The following CKAP5 variants were observed in gnomAD, a reference collection of about 807,000 sequenced individuals.
The protein encoded by CKAP5 is cytoskeleton associated protein 5.
Under a neutral mutation model 232.8 loss-of-function variants are expected in CKAP5, and 27 were observed. That is an observed-to-expected ratio of 0.12 (90% CI 0.09 to 0.16). The LOEUF (loss-of-function observed/expected upper bound fraction) is 0.16, where lower values mean the gene tolerates loss of function less well. Among genes scored for constraint, CKAP5 ranks in the 10% least tolerant of loss-of-function variants. CKAP5 has a pLI of 1.00. For missense variants in CKAP5, 1,838 were observed against 2,424.7 expected (o/e 0.76, Z 5.08); for synonymous variants, 785 against 841.1 (o/e 0.93, Z 1.16).
chr11:46,801,862 G>A (rs927277145), intron 8 of CKAP5, among the ~76,000 whole-genome samples: 3 of 152,138 alleles, frequency 2.0e-5, no homozygotes, highest in Non-Finnish European at 2.9e-5. Flanking sequence ...CTATCCAGTA[G>A]TGGCAGTCTG....
chr11:46,819,422 T>C (rs1353711815), intron 2 of CKAP5, among the ~76,000 whole-genome samples: 1 of 152,144 alleles, frequency 6.6e-6, no homozygotes, highest in African/African-American at 2.4e-5. Flanking sequence ...AAAGAAAAGA[T>C]TCCACTCATT....
intron 42 of CKAP5, among the ~76,000 whole-genome samples, chr11:46,748,744 G>C (rs375027537): frequency 1.3e-5 from 2 of 151,980 alleles, no homozygotes; most frequent in South Asian, 4.2e-4. Flanking sequence ...ACTCCAGCCC[G>C]AGCAACAGAG....
intron 36 of CKAP5, among the ~76,000 whole-genome samples, chr11:46,754,173 A>G (rs756631913): frequency 6.8e-6 from 1 of 148,034 alleles, no homozygotes; most frequent in Non-Finnish European, 1.5e-5. Context: ...AATTTTTTGT[A>G]TTTTTAGTAG....
At position 46,809,508 on chromosome 11, in the gene CKAP5, G is replaced by C; in HGVS notation, c.764-8C>G. ...CATCACCATCATCACCACCTTTAAG[G>C]AGAAAAACAACACAAACCTTAAAAA... On this transcript the variant is annotated splice_polypyrimidine_tract_variant and splice_region_variant and intron_variant, in intron 6 of 43. Transcript: ENST00000529230. 2 of 1,591,198 alleles carry C rather than the reference G, an allele frequency of 1.3e-6. No homozygotes were observed. The highest frequency in any genetic ancestry group is 1.7e-6 in the Non-Finnish European group (2 of 1,162,894).
intron 42 of CKAP5, among the ~76,000 whole-genome samples, chr11:46,747,618 AG>A (rs1337988366): frequency 6.6e-6 from 1 of 151,164 alleles, no homozygotes; most frequent in African/African-American, 2.4e-5. Context: ...AAAAAAAAAA[AG>A]GTTTCACTAA....
intron 23 of CKAP5, among the ~76,000 whole-genome samples, chr11:46,777,098 A>G (rs930213638): frequency 6.6e-6 from 1 of 152,234 alleles, no homozygotes; most frequent in Non-Finnish European, 1.5e-5. Flanking sequence ...CGTTATAATC[A>G]TAATAGCAAC....
At chr11:46,798,527 C>T (rs1938947468) in intron 9 of CKAP5, among the ~76,000 whole-genome samples, 1 of 150,920 alleles carries the variant, frequency 6.6e-6, no homozygotes, top group East Asian at 1.9e-4. Flanking sequence ...CTGCAGTGAG[C>T]TACGACTGCA....
At chr11:46,767,249 A>C (rs1194531299) in intron 27 of CKAP5, among the ~76,000 whole-genome samples, 2 of 152,038 alleles carry the variant, frequency 1.3e-5, no homozygotes, top group Admixed American at 1.3e-4. Flanking sequence ...CGAACTCCTG[A>C]CCTCAGGTGA....
chr11:46,788,603 T>C (rs1298818985), intron 16 of CKAP5, 78 bp downstream of exon 16: 12 of 856,462 alleles, frequency 1.4e-5, no homozygotes, highest in Non-Finnish European at 2.2e-5. Flanking sequence ...ACGAAAACTA[T>C]TCTGCTGTAT....
chr11:46,845,078 A>T (rs1384667792), intron 1 of CKAP5, among the ~76,000 whole-genome samples: 20 of 152,364 alleles, frequency 1.3e-4, no homozygotes, highest in Admixed American at 1.3e-3. Flanking sequence ...CAGTTTGTCC[A>T]GTCACTTCAG....
At chr11:46,804,462 G>A (rs1034759026) in intron 8 of CKAP5, among the ~76,000 whole-genome samples, 1 of 152,162 alleles carries the variant, frequency 6.6e-6, no homozygotes, top group Non-Finnish European at 1.5e-5. Flanking sequence ...CTAGACCAGG[G>A]AATGGAAGCT....
At position 46,754,963 on chromosome 11, in the gene CKAP5, T is replaced by C. The variant is rs978534343; in HGVS notation, c.4794A>G (p.Thr1598=). 6.2e-7 allele frequency: 1 copy of C among 1,613,694 alleles called. No homozygotes were observed. Among genetic ancestry groups the C allele is most frequent in the African/African-American group, 1.3e-5 (1 of 74,898 alleles). The change falls in exon 36 of 44, where the codon ACA becomes ACG. Residue 1598 remains threonine (T), a synonymous_variant. Transcript: ENST00000529230. ...TFMQLRLIYN[T]HMADEKLEKD... ...TCTCCAATTTCTCATCTGCCATGTG[T>C]GTGTTGTAGATGAGTCTTAGCTGCA...
intron 1 of CKAP5, among the ~76,000 whole-genome samples, chr11:46,835,723 G>A (rs888960355): frequency 3.9e-5 from 6 of 152,072 alleles, no homozygotes; most frequent in South Asian, 2.1e-4. Flanking sequence ...ACAAAATTCC[G>A]AATATATGTA....
intron 24 of CKAP5, 117 bp downstream of exon 24, chr11:46,776,138 T>G: frequency 1.2e-6 from 1 of 828,122 alleles, no homozygotes; most frequent in Non-Finnish European, 1.7e-6. Context: ...TTTCATTTTA[T>G]TAACTGTTTT....
intron 9 of CKAP5, among the ~76,000 whole-genome samples, chr11:46,799,659 CA>C (rs1938981067): frequency 6.6e-6 from 1 of 152,196 alleles, no homozygotes; most frequent in Admixed American, 6.5e-5. Flanking sequence ...AATCAGAACT[CA>C]AACTGGAAAG....
chr11:46,805,249 C>G (rs1189416730), intron 8 of CKAP5, among the ~76,000 whole-genome samples: 1 of 151,422 alleles, frequency 6.6e-6, no homozygotes, highest in Non-Finnish European at 1.5e-5. Context: ...ATAAATACAT[C>G]AATTAAAAAT....
intron 3 of CKAP5, among the ~76,000 whole-genome samples, chr11:46,817,217 C>T (rs774182998): frequency 7.9e-5 from 12 of 152,070 alleles, no homozygotes; most frequent in African/African-American, 1.2e-4. Flanking sequence ...TGGGCTCAAG[C>T]GATCTTCCTG....
intron 35 of CKAP5, among the ~76,000 whole-genome samples, chr11:46,755,447 T>C (rs1301910355): frequency 6.6e-6 from 1 of 151,898 alleles, no homozygotes; most frequent in Non-Finnish European, 1.5e-5. Context: ...GACCTCGTGA[T>C]CCACCCACCT....
intron 25 of CKAP5, 87 bp downstream of exon 25, chr11:46,770,701 T>C: frequency 7.9e-7 from 1 of 1,260,078 alleles, no homozygotes; most frequent in Non-Finnish European, 1.1e-6. Context: ...AGTGTTGGGA[T>C]TACAGGCGTG....
Sources: gnomAD v4.1 joint callset for allele counts (sites outside exome capture counted in the v4.1 genomes callset) on GRCh38, gnomAD v4.1.1 for gene constraint, MANE v1.5 for transcripts, NCBI Gene and HGNC (gene_info 2026-07-23, HGNC 2026-07-21) for gene names.